Variants in PDE1C observed in about 807,000 individuals in gnomAD.
The protein encoded by PDE1C is phosphodiesterase 1C.
Under a neutral mutation model 93.1 loss-of-function variants are expected in PDE1C, and 62 were observed. The ratio of observed to expected loss-of-function variants is 0.67; its 90% CI spans 0.54 to 0.82. The LOEUF (loss-of-function observed/expected upper bound fraction) is 0.82, where lower values mean the gene tolerates loss of function less well. PDE1C is among the 40% of genes least tolerant of loss of function. The pLI is 0.00. For missense variants in PDE1C, 742 were observed against 884.6 expected (o/e 0.84, Z 2.04); for synonymous variants, 325 against 310.1 (o/e 1.05, Z -0.50).
the PDE1C span, among the ~76,000 whole-genome samples, chr7:31,703,249 G>A: frequency 6.6e-6 from 1 of 152,152 alleles, no homozygotes; most frequent in African/African-American, 2.4e-5. Flanking sequence ...CATTTCTGAA[G>A]GTGAGGATTG....
At chr7:32,340,601 TA>T (rs1347669895) in intron 1 of PDE1C, among the ~76,000 whole-genome samples, 4 of 152,198 alleles carry the variant, frequency 2.6e-5, no homozygotes, top group Non-Finnish European at 5.9e-5. Flanking sequence ...TTTGTGTTTT[TA>T]AAAAATGCTC....
chr7:31,883,248 T>C (rs1312861233), intron 2 of PDE1C, among the ~76,000 whole-genome samples: 1 of 152,208 alleles, frequency 6.6e-6, no homozygotes, highest in Non-Finnish European at 1.5e-5. Flanking sequence ...TTATCATTCA[T>C]ATCCTTTCCA....
intron 1 of PDE1C, among the ~76,000 whole-genome samples, chr7:32,211,108 C>G (rs1408463437): frequency 6.6e-6 from 1 of 152,112 alleles, no homozygotes; most frequent in Non-Finnish European, 1.5e-5. Flanking sequence ...ACTCGGGAGG[C>G]TGAGGCAGGA....
chr7:31,945,895 TGAG>T (rs1462896842), intron 2 of PDE1C, among the ~76,000 whole-genome samples: 3 of 152,198 alleles, frequency 2.0e-5, no homozygotes, highest in African/African-American at 7.2e-5. Context: ...CATTTCAGTT[TGAG>T]AAGATTCTAT....
intron 3 of PDE1C, among the ~76,000 whole-genome samples, chr7:32,101,213 A>T (rs1584763371): frequency 1.3e-5 from 2 of 152,364 alleles, no homozygotes; most frequent in East Asian, 3.9e-4. Flanking sequence ...TTCTTCTCAC[A>T]GGGATTCCCC....
intron 2 of PDE1C, among the ~76,000 whole-genome samples, chr7:31,957,632 T>A (rs77615863): frequency 0.035 from 5,387 of 152,282 alleles, 269 homozygotes; most frequent in East Asian, 0.23. Flanking sequence ...TGTCATTTTT[T>A]AAAAATGGGA....
intron 2 of PDE1C, among the ~76,000 whole-genome samples, chr7:32,180,645 A>G (rs1803333631): frequency 6.6e-6 from 1 of 152,240 alleles, no homozygotes; most frequent in Non-Finnish European, 1.5e-5. Flanking sequence ...CAGAACTGTG[A>G]GAAATAAATT....
In PDE1C at chr7:31,863,123, CT is replaced by C. The variant is rs1471222076; in HGVS notation, c.750+1818del. Among the ~76,000 whole-genome samples the C allele has an allele frequency of 3.3e-5, 5 of 152,168 alleles. No homozygotes were observed. The East Asian group carries it at 7.7e-4, about 24-fold the overall frequency. On this transcript the variant is annotated intron_variant, in intron 7 of 17. Transcript: ENST00000396191. ...TTCACTCACATTAAAAACATGATGC[CT>C]TTTCCATTTATTTAAAGATCATTTT...
At chr7:31,696,154 G>T in the PDE1C span, 1 of 152,348 alleles carries the variant, frequency 6.6e-6, no homozygotes, top group East Asian at 1.9e-4. Flanking sequence ...ACATGTCTCT[G>T]TAACACCCTT....
At chr7:32,291,435 T>A (rs189539969) in intron 1 of PDE1C, among the ~76,000 whole-genome samples, 1 of 152,346 alleles carries the variant, frequency 6.6e-6, no homozygotes, top group East Asian at 1.9e-4. Flanking sequence ...CTGCAGGCAC[T>A]CAGAAACACT....
intron 3 of PDE1C, among the ~76,000 whole-genome samples, chr7:32,105,177 A>G (rs2128752027): frequency 6.6e-6 from 1 of 152,326 alleles, no homozygotes; most frequent in East Asian, 1.9e-4. Context: ...AAGAAACCAC[A>G]CTTACCCCCT....
chr7:32,058,536 GA>G (rs1258443606), intron 1 of PDE1C, among the ~76,000 whole-genome samples: 1 of 152,160 alleles, frequency 6.6e-6, no homozygotes, highest in Non-Finnish European at 1.5e-5. Context: ...AGGTTGGAAA[GA>G]ATTGGATATC....
At chr7:32,241,912 C>A (rs1808571536) in intron 1 of PDE1C, among the ~76,000 whole-genome samples, 1 of 152,054 alleles carries the variant, frequency 6.6e-6, no homozygotes, top group African/African-American at 2.4e-5. Flanking sequence ...GTGGGAGATA[C>A]AGCAAGGGGA....
the PDE1C span, among the ~76,000 whole-genome samples, chr7:31,728,811 G>A: frequency 6.6e-6 from 1 of 152,176 alleles, no homozygotes; most frequent in Non-Finnish European, 1.5e-5. Context: ...GGTGACATTT[G>A]AGCTTTGTTT....
At chr7:31,779,828 T>C (rs1783269619) in intron 16 of PDE1C, among the ~76,000 whole-genome samples, 1 of 152,172 alleles carries the variant, frequency 6.6e-6, no homozygotes, top group African/African-American at 2.4e-5. Context: ...GTTCCACTCA[T>C]GGGAGTAATA....
intron 3 of PDE1C, among the ~76,000 whole-genome samples, chr7:32,126,770 G>T (rs1799603983): frequency 6.6e-6 from 1 of 152,040 alleles, no homozygotes; most frequent in Admixed American, 6.6e-5. Context: ...AGAGGTACTG[G>T]ACTAGATAAG....
At chr7:31,762,089 A>G (rs1009430158) in intron 17 of PDE1C, among the ~76,000 whole-genome samples, 2 of 152,202 alleles carry the variant, frequency 1.3e-5, no homozygotes, top group Non-Finnish European at 2.9e-5. Flanking sequence ...AAGTGCCGGG[A>G]AAATTTAGTA....
the PDE1C span, among the ~76,000 whole-genome samples, chr7:31,622,783 C>A: frequency 6.6e-6 from 1 of 151,966 alleles, no homozygotes; most frequent in Admixed American, 6.6e-5. Context: ...GAAATAGAGA[C>A]ACAAAAAACC....
chr7:31,825,045 C>T (rs1789484861), intron 12 of PDE1C, 58 bp from the exon 13 acceptor site: 4 of 1,603,180 alleles, frequency 2.5e-6, no homozygotes, highest in South Asian at 1.1e-5. Context: ...CCTTTCCATA[C>T]TTTCCAGAAG....
Sources: gnomAD v4.1 joint callset for allele counts (sites outside exome capture counted in the v4.1 genomes callset) on GRCh38, gnomAD v4.1.1 for gene constraint, MANE v1.5 for transcripts, NCBI Gene and HGNC (gene_info 2026-07-23, HGNC 2026-07-21) for gene names.